The following GRAP2 variants were observed in gnomAD, a reference collection of about 807,000 sequenced individuals.
GRAP2 encodes the protein GRB2 related adaptor protein 2, also known as GRB2-related adapter protein 2.
In GRAP2, 31 loss-of-function variants were observed where a neutral mutation model predicts 43.5. The observed-to-expected ratio is 0.71, with a 90% CI of 0.54 to 0.96. GRAP2 has a LOEUF of 0.96. GRAP2 is among the 40% of genes least tolerant of loss of function. The probability of loss-of-function intolerance (pLI) is 0.00; values close to 1 mark genes in which losing one functional copy is unlikely to be tolerated. For synonymous variants in GRAP2, 156 were observed against 164.8 expected (o/e 0.95, Z 0.41); for missense variants, 371 against 424.4 (o/e 0.87, Z 1.11).
intron 1 of GRAP2, among the ~76,000 whole-genome samples, chr22:39,913,855 T>A (rs1377885044): frequency 6.6e-6 from 1 of 152,160 alleles, no homozygotes; most frequent in Non-Finnish European, 1.5e-5. Flanking sequence ...AGTCACAGCT[T>A]CTTCCCCATT....
intron 1 of GRAP2, among the ~76,000 whole-genome samples, chr22:39,930,481 G>T (rs1320620877): frequency 6.6e-6 from 1 of 152,170 alleles, no homozygotes; most frequent in Non-Finnish European, 1.5e-5. Flanking sequence ...AATGTGTAAA[G>T]TACTTACTAT....
intron 4 of GRAP2, among the ~76,000 whole-genome samples, chr22:39,965,680 T>C (rs914037088): frequency 6.6e-6 from 1 of 152,234 alleles, no homozygotes; most frequent in African/African-American, 2.4e-5. Context: ...TTGATCTCTT[T>C]GTCGTTAAGT....
At chr22:39,924,458 C>T (rs1324819437) in intron 1 of GRAP2, among the ~76,000 whole-genome samples, 3 of 152,138 alleles carry the variant, frequency 2.0e-5, no homozygotes, top group Non-Finnish European at 2.9e-5. Flanking sequence ...CCCAACACTT[C>T]GGGAGGCCGA....
intron 1 of GRAP2, among the ~76,000 whole-genome samples, chr22:39,904,578 C>T (rs2066511880): frequency 1.3e-5 from 2 of 152,126 alleles, no homozygotes; most frequent in Admixed American, 1.3e-4. Flanking sequence ...ATACTTCACT[C>T]CTAAATAATT....
chr22:39,896,593 A>G (rs2066467391), upstream of GRAP2, among the ~76,000 whole-genome samples: 1 of 152,162 alleles, frequency 6.6e-6, no homozygotes, highest in Non-Finnish European at 1.5e-5. Flanking sequence ...ACTTCAGAGT[A>G]GTCAGCATAT....
chr22:39,930,309 C>T (rs1315216843), intron 1 of GRAP2, among the ~76,000 whole-genome samples: 1 of 152,154 alleles, frequency 6.6e-6, no homozygotes, highest in Non-Finnish European at 1.5e-5. Context: ...AGGGAGAATA[C>T]TGTTTAAGTG....
chr22:39,906,975 G>A (rs911334031), intron 1 of GRAP2, among the ~76,000 whole-genome samples: 7 of 152,126 alleles, frequency 4.6e-5, no homozygotes, highest in African/African-American at 1.7e-4. Flanking sequence ...CATTTTATAG[G>A]TCACACAGTT....
intron 1 of GRAP2, among the ~76,000 whole-genome samples, chr22:39,931,928 A>G (rs2066759270): frequency 6.6e-6 from 1 of 152,244 alleles, no homozygotes; most frequent in Non-Finnish European, 1.5e-5. Flanking sequence ...CAAGAAAGGT[A>G]GAGAAAACAG....
chr22:39,943,098 T>C (rs1471886324), intron 1 of GRAP2, among the ~76,000 whole-genome samples: 2 of 152,202 alleles, frequency 1.3e-5, no homozygotes, highest in African/African-American at 4.8e-5. Flanking sequence ...TAGCTATTCA[T>C]AGCCAACTTA....
chr22:39,945,434 C>T (rs1311522008), intron 1 of GRAP2, among the ~76,000 whole-genome samples: 2 of 152,164 alleles, frequency 1.3e-5, no homozygotes, highest in Non-Finnish European at 2.9e-5. Context: ...GGCGTTTCAC[C>T]CTCTCACTGG....
At chr22:39,936,653 C>A (rs937446759) in intron 1 of GRAP2, among the ~76,000 whole-genome samples, 1 of 151,658 alleles carries the variant, frequency 6.6e-6, no homozygotes, top group African/African-American at 2.4e-5. Flanking sequence ...GGTAAGAGAA[C>A]TGTGACAAAT....
At chr22:39,954,517 C>G (rs2073766758) in intron 2 of GRAP2, among the ~76,000 whole-genome samples, 1 of 152,160 alleles carries the variant, frequency 6.6e-6, no homozygotes, top group Admixed American at 6.5e-5. Flanking sequence ...GCCTCAGCCT[C>G]CCGAGTAGCT....
chr22:39,949,154 C>T (rs2066955740), intron 2 of GRAP2, among the ~76,000 whole-genome samples: 1 of 152,040 alleles, frequency 6.6e-6, no homozygotes. Context: ...ACCCCCATGC[C>T]CATCTCACCC....
intron 1 of GRAP2, among the ~76,000 whole-genome samples, chr22:39,913,085 C>T (rs915175687): frequency 6.6e-6 from 1 of 150,676 alleles, no homozygotes; most frequent in Non-Finnish European, 1.5e-5. Context: ...CCCAGCTACT[C>T]GGGTGGCTGA....
At chr22:39,898,213 C>T (rs1203801587), upstream of GRAP2, among the ~76,000 whole-genome samples, 6 of 152,192 alleles carry the variant, frequency 3.9e-5, no homozygotes, top group South Asian at 2.1e-4. Context: ...GATTTCCCAA[C>T]GTAAAATCGC....
chr22:39,969,330 G>A, intron 6 of GRAP2, 81 bp from the exon 7 acceptor site: 1 of 1,459,956 alleles, frequency 6.8e-7, no homozygotes. Flanking sequence ...CTCTGTGGAT[G>A]GCATCTGAGC....
intron 5 of GRAP2, among the ~76,000 whole-genome samples, chr22:39,966,760 G>C (rs1338159135): frequency 1.3e-5 from 2 of 152,152 alleles, no homozygotes; most frequent in African/African-American, 2.4e-5. Flanking sequence ...AGACAGACCT[G>C]GTATGAAATC....
At chr22:39,957,245 A>G (rs549011046) in intron 3 of GRAP2, among the ~76,000 whole-genome samples, 20 of 152,180 alleles carry the variant, frequency 1.3e-4, no homozygotes, top group Non-Finnish European at 2.1e-4. Context: ...AACCAAGAGA[A>G]TGACCACTGA....
Position 39,928,479 on chromosome 22 carries a change from G to A in GRAP2, c.-14-18614G>A, listed in dbSNP as rs117378083. On this transcript the variant is annotated intron_variant, in intron 1 of 7. Coordinates refer to ENST00000344138, the MANE Select transcript of GRAP2 (RefSeq NM_004810.4). ...TTTCTTTGCTTGATTCTGCTTTTAAGGAACGTGCCCAACTTATTTGAGTCT... is the reference window on the plus strand; with the variant it reads ...TTTCTTTGCTTGATTCTGCTTTTAAAGAACGTGCCCAACTTATTTGAGTCT... Among the ~76,000 whole-genome samples the A allele has an allele frequency of 6.0e-4, 92 of 152,294 alleles. 1 individual carries two copies. In the East Asian group the frequency reaches 0.017, roughly 27 times the overall value.
Sources: gnomAD v4.1 joint callset for allele counts (sites outside exome capture counted in the v4.1 genomes callset) on GRCh38, gnomAD v4.1.1 for gene constraint, MANE v1.5 for transcripts, NCBI Gene and HGNC (gene_info 2026-07-23, HGNC 2026-07-21) for gene names.